The following DTNA variants were observed in gnomAD, a reference collection of about 807,000 sequenced individuals.
DTNA encodes the protein dystrophin-related protein 3.
In DTNA, 43 loss-of-function variants were observed where a neutral mutation model predicts 100.7. The ratio of observed to expected loss-of-function variants is 0.43; its 90% CI spans 0.33 to 0.55. The LOEUF is 0.55. Among genes scored for constraint, DTNA ranks in the 20% least tolerant of loss-of-function variants. DTNA has a pLI of 0.04. For synonymous variants in DTNA, 349 were observed against 347.9 expected (o/e 1.00, Z -0.04); for missense variants, 798 against 953.9 (o/e 0.84, Z 2.15).
In DTNA at chr18:34,754,532, G is replaced by A. The variant is rs567923402; in HGVS notation, c.-1-1444G>A. ...ATCACTGTGATGCGCTCATAGGACA[G>A]TGTGATCCTGGCTTGATCACTGTGG... is the stretch of plus-strand genomic sequence containing the variant. On this transcript the variant is annotated intron_variant, in intron 1 of 22. Transcript: ENST00000444659. Among the ~76,000 whole-genome samples the A allele has an allele frequency of 2.1e-3, 316 of 152,278 alleles. 2 individuals are homozygous for A. Among genetic ancestry groups the A allele is most frequent in the African/African-American group, 7.3e-3 (304 of 41,546 alleles).
chr18:34,664,413 C>A (rs957362084), intron 1 of DTNA, among the ~76,000 whole-genome samples: 1 of 151,982 alleles, frequency 6.6e-6, no homozygotes, highest in Admixed American at 6.6e-5. Flanking sequence ...GCTCCAATCA[C>A]GTGCTTTATT....
Position 34,829,062 on chromosome 18 carries a change from A to G in DTNA, c.1086-338A>G, listed in dbSNP as rs1173546344. ...TCAGCTCGGACGGTGCTTTTGGTGG[A>G]TGCGTCTAGATGGATAACATGACTT... On this transcript the variant is annotated intron_variant, in intron 10 of 22. Coordinates refer to ENST00000444659, the MANE Select transcript of DTNA (RefSeq NM_001386795.1). The G allele has an allele frequency of 2.5e-6, 4 of 1,614,130 alleles. No homozygotes were observed. In the East Asian group the frequency reaches 8.9e-5, roughly 36 times the overall value.
rs367862671 is a variant in DTNA, at chr18:34,884,638, G to A, written c.2296-90G>A. On this transcript the variant is annotated intron_variant, in intron 21 of 22. Coordinates refer to ENST00000444659, the MANE Select transcript of DTNA (RefSeq NM_001386795.1). ...ACTCTCTCTCTCTCTGTGTCTTTGT[G>A]CATGGCTTCCCGCCAAATAATTCAC... The A allele has an allele frequency of 2.9e-6, 4 of 1,381,832 alleles. No homozygotes were observed. The African/African-American group carries it at 4.3e-5, about 15-fold the overall frequency. 85.6% of individuals were successfully genotyped at this position (1,381,832 alleles called of 1,614,324 possible).
intron 1 of DTNA, among the ~76,000 whole-genome samples, chr18:34,652,456 CTT>C (rs1162482898): frequency 6.6e-6 from 1 of 152,134 alleles, no homozygotes; most frequent in East Asian, 1.9e-4. Flanking sequence ...CAGGTGTTTG[CTT>C]ATTTCCTTGA....
chr18:34,539,894 A>G (rs1299930354), intron 1 of DTNA, among the ~76,000 whole-genome samples: 3 of 151,848 alleles, frequency 2.0e-5, no homozygotes, highest in Non-Finnish European at 4.4e-5. Context: ...CTTAAATTTA[A>G]GTAGACATTT....
chr18:34,813,902 T>C (rs1365610461), intron 6 of DTNA, among the ~76,000 whole-genome samples: 1 of 151,728 alleles, frequency 6.6e-6, no homozygotes, highest in African/African-American at 2.4e-5. Context: ...TTTCATTCAA[T>C]TTTACTGCTT....
chr18:34,543,502 A>T (rs1328453063), intron 1 of DTNA, among the ~76,000 whole-genome samples: 1 of 152,100 alleles, frequency 6.6e-6, no homozygotes, highest in Non-Finnish European at 1.5e-5. Context: ...TATTTGCCTT[A>T]TAGATTAATA....
chr18:34,611,505 T>C (rs1201751322), intron 1 of DTNA, among the ~76,000 whole-genome samples: 2 of 152,178 alleles, frequency 1.3e-5, no homozygotes, highest in African/African-American at 2.4e-5. Context: ...AGAAGAATCA[T>C]GTATTCTTGA....
intron 1 of DTNA, among the ~76,000 whole-genome samples, chr18:34,530,254 T>TG (rs1403735396): frequency 6.6e-6 from 1 of 152,130 alleles, no homozygotes; most frequent in Non-Finnish European, 1.5e-5. Context: ...TTATCCTAAC[T>TG]GGGGACTGTA....
intron 1 of DTNA, among the ~76,000 whole-genome samples, chr18:34,556,887 T>C (rs9886920): frequency 0.15 from 20,236 of 137,554 alleles, 1,864 homozygotes; most frequent in African/African-American, 0.23. Flanking sequence ...TTGTGGCATT[T>C]TCTGTATTTC....
At chr18:34,834,477 T>A (rs1223892011) in intron 11 of DTNA, among the ~76,000 whole-genome samples, 2 of 151,544 alleles carry the variant, frequency 1.3e-5, no homozygotes, top group Non-Finnish European at 2.9e-5. Context: ...CACTCCAGCC[T>A]GGGCAACAAG....
At chr18:34,670,768 A>G (rs1306672541) in intron 1 of DTNA, among the ~76,000 whole-genome samples, 20 of 152,114 alleles carry the variant, frequency 1.3e-4, no homozygotes, top group Admixed American at 1.3e-3. Context: ...TTGCTGTCTG[A>G]TGGTTCCTCT....
At chr18:34,650,649 A>G (rs991121070) in intron 1 of DTNA, among the ~76,000 whole-genome samples, 4 of 152,148 alleles carry the variant, frequency 2.6e-5, no homozygotes, top group Admixed American at 6.5e-5. Flanking sequence ...GAGCTTAGAG[A>G]CAGACACTAT....
chr18:34,747,303 G>A (rs1367773784), intron 1 of DTNA, among the ~76,000 whole-genome samples: 3 of 151,862 alleles, frequency 2.0e-5, no homozygotes, highest in East Asian at 1.9e-4. Context: ...CACTCAACCC[G>A]AGCCATGAAT....
chr18:34,865,949 T>C (rs1202504374), intron 17 of DTNA, among the ~76,000 whole-genome samples: 1 of 152,222 alleles, frequency 6.6e-6, no homozygotes, highest in Non-Finnish European at 1.5e-5. Flanking sequence ...TAGTCTCAAA[T>C]AACCAAGTAG....
chr18:34,868,196 T>A, intron 17 of DTNA: 1 of 333,640 alleles, frequency 3.0e-6, no homozygotes, highest in Non-Finnish European at 4.2e-6. Flanking sequence ...GTTTTATCAG[T>A]ACAGAAATAC....
chr18:34,499,120 A>C (rs778170541), intron 1 of DTNA, among the ~76,000 whole-genome samples: 7 of 152,214 alleles, frequency 4.6e-5, no homozygotes, highest in Non-Finnish European at 8.8e-5. Flanking sequence ...TGGCAACACC[A>C]ACTTGGCTGT....
At chr18:34,500,781 A>G (rs2039829832) in intron 1 of DTNA, among the ~76,000 whole-genome samples, 1 of 151,922 alleles carries the variant, frequency 6.6e-6, no homozygotes, top group Admixed American at 6.6e-5. Flanking sequence ...TATTTTTTTG[A>G]CGAATCATAG....
chr18:34,861,485 C>CAA lies in DTNA; in HGVS notation c.1647-2453_1647-2452dup, dbSNP rs11329850. 6.7e-4 allele frequency among the ~76,000 whole-genome samples: 52 copies of CAA among 77,968 alleles called. 2 individuals carry two copies. The highest frequency in any genetic ancestry group is 2.9e-3 in the East Asian group (5 of 1,740). The allele number at this position is 77,968 out of a possible 152,430, so 51.2% of individuals were successfully genotyped here. ...TGGGCGACTGAGCGAGACTCCGTCT[C>CAA]AAAAAAAAAAAAAAAAAAAAAAAAA... On this transcript the variant is annotated intron_variant, in intron 16 of 22. Coordinates refer to ENST00000444659, the MANE Select transcript of DTNA (RefSeq NM_001386795.1).
Sources: gnomAD v4.1 joint callset for allele counts (sites outside exome capture counted in the v4.1 genomes callset) on GRCh38, gnomAD v4.1.1 for gene constraint, MANE v1.5 for transcripts, NCBI Gene and HGNC (gene_info 2026-07-23, HGNC 2026-07-21) for gene names.